ASIC2: variants seen among roughly 807,000 people sequenced by gnomAD.
ASIC2 encodes acid sensing ion channel subunit 2.
In ASIC2, 25 loss-of-function variants were observed where a neutral mutation model predicts 57.3. The observed-to-expected ratio is 0.44, with a 90% CI of 0.32 to 0.61. The LOEUF is 0.61. ASIC2 is among the 20% of genes least tolerant of loss of function. ASIC2 has a pLI of 0.06. For synonymous variants in ASIC2, 319 were observed against 307.5 expected (o/e 1.04, Z -0.39); for missense variants, 641 against 738.1 (o/e 0.87, Z 1.52).
chr17:33,898,218 A>ATCTT (rs1567750054), intron 1 of ASIC2, among the ~76,000 whole-genome samples: 2 of 67,828 alleles, frequency 2.9e-5, no homozygotes, highest in Non-Finnish European at 3.0e-5. Context: ...TTCATGTATA[A>ATCTT]TCTTTTTTTT....
chr17:33,430,508 T>C (rs993796549), intron 1 of ASIC2, among the ~76,000 whole-genome samples: 20 of 152,152 alleles, frequency 1.3e-4, no homozygotes, highest in Non-Finnish European at 1.9e-4. Flanking sequence ...GAGTCATAAT[T>C]GTCAATGCCT....
chr17:33,450,698 G>C (rs1266318689), intron 1 of ASIC2, among the ~76,000 whole-genome samples: 2 of 152,180 alleles, frequency 1.3e-5, no homozygotes, highest in African/African-American at 4.8e-5. Flanking sequence ...AATCAAGAGG[G>C]ATGCACAGAA....
intron 1 of ASIC2, among the ~76,000 whole-genome samples, chr17:33,493,806 G>T (rs9902273): frequency 0.25 from 37,297 of 151,988 alleles, 5,164 homozygotes; most frequent in East Asian, 0.43. Flanking sequence ...TTCCAGGCCA[G>T]CTGCATTCAA....
chr17:33,564,257 G>A (rs1440173626), intron 1 of ASIC2, among the ~76,000 whole-genome samples: 1 of 152,158 alleles, frequency 6.6e-6, no homozygotes, highest in Admixed American at 6.5e-5. Flanking sequence ...TCCAATTAGT[G>A]GAGATTTTTA....
chr17:33,090,908 G>A (rs889958085), intron 2 of ASIC2, among the ~76,000 whole-genome samples: 3 of 152,176 alleles, frequency 2.0e-5, no homozygotes, highest in African/African-American at 7.2e-5. Flanking sequence ...AATCCTTTTG[G>A]ATATGGTTCA....
intron 1 of ASIC2, among the ~76,000 whole-genome samples, chr17:33,887,654 T>A (rs1914860350): frequency 6.6e-6 from 1 of 152,074 alleles, no homozygotes; most frequent in African/African-American, 2.4e-5. Flanking sequence ...TAAGTGTTGG[T>A]GCCTTATGGG....
At chr17:33,464,848 A>G (rs1436336423) in intron 1 of ASIC2, among the ~76,000 whole-genome samples, 1 of 151,864 alleles carries the variant, frequency 6.6e-6, no homozygotes, top group Non-Finnish European at 1.5e-5. Context: ...TAGCATCTCT[A>G]GGCCCCCCTG....
At chr17:33,761,656 CAT>C (rs1910783949) in intron 1 of ASIC2, among the ~76,000 whole-genome samples, 1 of 152,118 alleles carries the variant, frequency 6.6e-6, no homozygotes, top group African/African-American at 2.4e-5. Flanking sequence ...AGAACACAAA[CAT>C]ATGATTTCAA....
chr17:33,963,439 G>A (rs534842499), intron 1 of ASIC2, among the ~76,000 whole-genome samples: 1 of 152,254 alleles, frequency 6.6e-6, no homozygotes, highest in African/African-American at 2.4e-5. Flanking sequence ...AGAGAAAAAT[G>A]TCAGCACAAA....
intron 1 of ASIC2, among the ~76,000 whole-genome samples, chr17:33,942,124 C>T (rs897992987): frequency 6.6e-6 from 1 of 152,032 alleles, no homozygotes; most frequent in Non-Finnish European, 1.5e-5. Context: ...GATGAGAGGT[C>T]GCCAGTTGGG....
chr17:33,633,890 C>T (rs1393607389), intron 1 of ASIC2, among the ~76,000 whole-genome samples: 2 of 152,210 alleles, frequency 1.3e-5, no homozygotes, highest in Non-Finnish European at 2.9e-5. Context: ...TTCATGACTC[C>T]TAAGCCCATC....
At chr17:33,697,201 C>G (rs970951930) in intron 1 of ASIC2, among the ~76,000 whole-genome samples, 1 of 152,198 alleles carries the variant, frequency 6.6e-6, no homozygotes, top group African/African-American at 2.4e-5. Flanking sequence ...ACTTCCTGTA[C>G]AGCCTGCAGA....
At chr17:33,922,855 G>A (rs1399362613) in intron 1 of ASIC2, among the ~76,000 whole-genome samples, 1 of 152,100 alleles carries the variant, frequency 6.6e-6, no homozygotes, top group Non-Finnish European at 1.5e-5. Flanking sequence ...AATTAGACAG[G>A]GTGAGGATCA....
At chr17:33,420,032 TG>T (rs950584100) in intron 1 of ASIC2, among the ~76,000 whole-genome samples, 7 of 152,304 alleles carry the variant, frequency 4.6e-5, no homozygotes, top group African/African-American at 1.7e-4. Context: ...GAATAAGGAA[TG>T]GGGAGAGAGG....
chr17:33,663,653 G>C (rs1907373332), intron 1 of ASIC2, among the ~76,000 whole-genome samples: 1 of 152,062 alleles, frequency 6.6e-6, no homozygotes, highest in Non-Finnish European at 1.5e-5. Context: ...AGTACCATGT[G>C]GTAGGGGAAC....
chr17:33,243,212 A>G (rs775274367), intron 1 of ASIC2, among the ~76,000 whole-genome samples: 2 of 152,274 alleles, frequency 1.3e-5, no homozygotes, highest in Non-Finnish European at 2.9e-5. Flanking sequence ...AATGATTATT[A>G]GAATAAGTGT....
intron 1 of ASIC2, among the ~76,000 whole-genome samples, chr17:33,304,787 C>T (rs1906102429): frequency 6.6e-6 from 1 of 152,128 alleles, no homozygotes; most frequent in African/African-American, 2.4e-5. Context: ...TGTCCCCAAT[C>T]AGGTGGTGTT....
At chr17:33,860,614 G>A (rs371209596) in intron 1 of ASIC2, among the ~76,000 whole-genome samples, 3 of 152,296 alleles carry the variant, frequency 2.0e-5, no homozygotes, top group East Asian at 3.9e-4. Context: ...AAAAAGATTG[G>A]CAGCTAGGAC....
At chr17:33,845,804 A>G (rs71379417) in intron 1 of ASIC2, among the ~76,000 whole-genome samples, 3,838 of 152,288 alleles carry the variant, frequency 0.025, 179 homozygotes, top group African/African-American at 0.088. Flanking sequence ...CAAGGGATTG[A>G]AAATTCTAAA....
Sources: gnomAD v4.1 joint callset for allele counts (sites outside exome capture counted in the v4.1 genomes callset) on GRCh38, gnomAD v4.1.1 for gene constraint, MANE v1.5 for transcripts, NCBI Gene and HGNC (gene_info 2026-07-23, HGNC 2026-07-21) for gene names.